VOPP1: variants seen among roughly 807,000 people sequenced by gnomAD.
VOPP1 encodes the protein WW domain binding protein VOPP1.
In VOPP1, 8 loss-of-function variants were observed where a neutral mutation model predicts 23.5. The ratio of observed to expected loss-of-function variants is 0.34; its 90% CI spans 0.20 to 0.61. The LOEUF is 0.61. Ranked by LOEUF, VOPP1 falls within the 20% of genes least tolerant of loss-of-function variation. The pLI, the probability that VOPP1 is intolerant of heterozygous loss-of-function variation, is 0.78. For missense variants in VOPP1, 174 were observed against 238.1 expected (o/e 0.73, Z 1.77); for synonymous variants, 83 against 97.3 (o/e 0.85, Z 0.86).
intron 1 of VOPP1, among the ~76,000 whole-genome samples, chr7:55,553,547 G>A (rs768892401): frequency 2.0e-5 from 3 of 151,862 alleles, no homozygotes; most frequent in South Asian, 2.1e-4. Context: ...ATCCCTTAAC[G>A]AAACCAATGA....
At chr7:55,451,848 G>A (rs1455886702) in intron 4 of VOPP1, among the ~76,000 whole-genome samples, 1 of 152,152 alleles carries the variant, frequency 6.6e-6, no homozygotes, top group African/African-American at 2.4e-5. Context: ...GGCTTTCAGT[G>A]GGTCATAATC....
intron 1 of VOPP1, among the ~76,000 whole-genome samples, chr7:55,529,935 C>G (rs1157085140): frequency 6.6e-6 from 1 of 152,208 alleles, no homozygotes; most frequent in African/African-American, 2.4e-5. Context: ...GAAGACACCA[C>G]ATTTTGTTTA....
At chr7:55,487,755 G>A (rs1417469422) in intron 4 of VOPP1, among the ~76,000 whole-genome samples, 1 of 152,196 alleles carries the variant, frequency 6.6e-6, no homozygotes, top group Non-Finnish European at 1.5e-5. Context: ...ATTCCACAAA[G>A]AAGATGGACC....
Position 55,472,882 on chromosome 7 carries a change from C to A in VOPP1, c.492G>T (p.Pro164=), listed in dbSNP as rs534581582. 4 of 1,430,178 alleles carry A rather than the reference C, an allele frequency of 2.8e-6. No individual in the cohort carries two copies. Among genetic ancestry groups the A allele is most frequent in the Non-Finnish European group, 3.7e-6 (4 of 1,083,688 alleles). The allele number at this position is 1,430,178 out of a possible 1,614,324, so 88.6% of individuals were successfully genotyped here. ...PPAYCNTPPP[P]YEQVVKAK is the part of the protein sequence containing the mutation. ...ACTTGGCCTTCACTACCTGTTCGTACGGGGGCGGAGGCGTGTTGCAGTAGG... is the reference window on the plus strand; with the variant it reads ...ACTTGGCCTTCACTACCTGTTCGTAAGGGGGCGGAGGCGTGTTGCAGTAGG... Residue 164 remains proline (P), a synonymous_variant, in exon 5 of 5, where the codon CCG becomes CCT. Coordinates refer to ENST00000285279, the MANE Select transcript of VOPP1 (RefSeq NM_030796.5).
intron 1 of VOPP1, among the ~76,000 whole-genome samples, chr7:55,571,189 A>C (rs1396347573): frequency 6.6e-6 from 1 of 152,204 alleles, no homozygotes; most frequent in Non-Finnish European, 1.5e-5. Context: ...TTCCGAACAG[A>C]AACAGGAAGT....
At chr7:55,565,383 TCCAAGTCAA>T (rs1798130422) in intron 1 of VOPP1, among the ~76,000 whole-genome samples, 1 of 152,208 alleles carries the variant, frequency 6.6e-6, no homozygotes, top group Admixed American at 6.5e-5. Flanking sequence ...ATCCTTACTC[TCCAAGTCAA>T]AATCTCAGTC....
chr7:55,571,520 G>A (rs1033683920), intron 1 of VOPP1, among the ~76,000 whole-genome samples: 2 of 152,214 alleles, frequency 1.3e-5, no homozygotes, highest in East Asian at 1.9e-4. Flanking sequence ...CGCATTTTAA[G>A]GAACCTGCTT....
rs368170382 is a variant in VOPP1 at position 55,556,925 on chromosome 7, C to T, written c.54+15346G>A. Among the ~76,000 whole-genome samples the T allele has an allele frequency of 6.7e-4, 102 of 152,216 alleles. 2 individuals are homozygous for T. In the East Asian group the frequency reaches 0.012, roughly 18 times the overall value. On this transcript the variant is annotated intron_variant, in intron 1 of 4. Coordinates refer to ENST00000285279, the MANE Select transcript of VOPP1 (RefSeq NM_030796.5). ...TAAGAAAATGTTAAATATCCCCTCC[C>T]CAAAAAGAAACATCACCTAGAGCCA...
chr7:55,507,679 T>A (rs1794821064), intron 2 of VOPP1, among the ~76,000 whole-genome samples: 1 of 152,228 alleles, frequency 6.6e-6, no homozygotes, highest in African/African-American at 2.4e-5. Flanking sequence ...AACTCATGGT[T>A]CTTTCTTTCC....
At chr7:55,497,143 T>C (rs1794009618) in intron 3 of VOPP1, among the ~76,000 whole-genome samples, 1 of 152,226 alleles carries the variant, frequency 6.6e-6, no homozygotes. Flanking sequence ...GACTGCTCCG[T>C]ATGCGCCCCA....
intron 1 of VOPP1, among the ~76,000 whole-genome samples, chr7:55,536,070 T>C (rs1456532150): frequency 6.6e-6 from 1 of 152,234 alleles, no homozygotes; most frequent in African/African-American, 2.4e-5. Context: ...TCGGCCACCC[T>C]GTTGGCCCCA....
chr7:55,551,869 G>A (rs1381630286), intron 1 of VOPP1, among the ~76,000 whole-genome samples: 3 of 151,900 alleles, frequency 2.0e-5, no homozygotes, highest in South Asian at 2.1e-4. Flanking sequence ...GTGAATCCCC[G>A]TCTCTACTAA....
chr7:55,444,204 A>T (rs1791040261), intron 4 of VOPP1, among the ~76,000 whole-genome samples: 2 of 152,314 alleles, frequency 1.3e-5, no homozygotes, highest in Non-Finnish European at 2.9e-5. Flanking sequence ...GTCCCATGTC[A>T]TCAGCTTAAG....
At position 55,537,500 on chromosome 7, in the gene VOPP1, C is replaced by T. The variant is rs781155176; in HGVS notation, c.55-16370G>A. ...AACTGAACCACCAGCCGAGCAAGCA[C>T]CTGAGCATGTGAGCCCGTCCTTCGC... On this transcript the variant is annotated intron_variant, in intron 1 of 4. Coordinates refer to ENST00000285279, the MANE Select transcript of VOPP1 (RefSeq NM_030796.5). 29 of 1,536,032 alleles carry T rather than the reference C, an allele frequency of 1.9e-5. 1 individual carries two copies. In the South Asian group the frequency reaches 2.7e-4, roughly 14 times the overall value.
chr7:55,531,402 T>G (rs1006240160), intron 1 of VOPP1, among the ~76,000 whole-genome samples: 1 of 147,890 alleles, frequency 6.8e-6, no homozygotes, highest in East Asian at 2.0e-4. Context: ...CATGCTGGAG[T>G]GCAGTGGTGC....
At chr7:55,520,966 G>C in intron 2 of VOPP1, 106 bp downstream of exon 2, 1 of 1,220,116 alleles carries the variant, frequency 8.2e-7, no homozygotes, top group Non-Finnish European at 1.2e-6. Context: ...AGCAGAGGCT[G>C]GGCCACGCCG....
chr7:55,509,243 C>T (rs994105130), intron 2 of VOPP1, among the ~76,000 whole-genome samples: 2 of 152,144 alleles, frequency 1.3e-5, no homozygotes, highest in African/African-American at 4.8e-5. Context: ...TTGAGTTGGT[C>T]TTAGTCCATT....
intron 4 of VOPP1, among the ~76,000 whole-genome samples, chr7:55,459,769 G>C (rs1265743327): frequency 2.6e-5 from 4 of 151,758 alleles, no homozygotes; most frequent in Admixed American, 6.6e-5. Context: ...TTCATGGTTA[G>C]TCTAGCTAGG....
chr7:55,487,323 C>G (rs1166204241), intron 4 of VOPP1, among the ~76,000 whole-genome samples: 4 of 152,198 alleles, frequency 2.6e-5, no homozygotes, highest in African/African-American at 9.7e-5. Context: ...GGGAAAACTC[C>G]ATCCACTTCA....
Sources: gnomAD v4.1 joint callset for allele counts (sites outside exome capture counted in the v4.1 genomes callset) on GRCh38, gnomAD v4.1.1 for gene constraint, MANE v1.5 for transcripts, NCBI Gene and HGNC (gene_info 2026-07-23, HGNC 2026-07-21) for gene names.